The following HCN1 variants were observed in gnomAD, a reference collection of about 807,000 sequenced individuals.
The protein encoded by HCN1 is potassium/sodium hyperpolarization-activated cyclic nucleotide-gated channel 1.
HCN1 carries 13 observed loss-of-function variants against 78.9 expected under a neutral mutation model. The ratio of observed to expected loss-of-function variants is 0.16; its 90% CI spans 0.11 to 0.26. The LOEUF is 0.26. Ranked by LOEUF, HCN1 falls within the 10% of genes least tolerant of loss-of-function variation. The probability of loss-of-function intolerance (pLI) is 1.00; values close to 1 mark genes in which losing one functional copy is unlikely to be tolerated. For synonymous variants in HCN1, 552 were observed against 455.5 expected (o/e 1.21, Z -2.70); for missense variants, 810 against 1,154.3 (o/e 0.70, Z 4.32).
chr5:45,503,936 C>T (rs1168005821), intron 2 of HCN1, among the ~76,000 whole-genome samples: 1 of 151,926 alleles, frequency 6.6e-6, no homozygotes, highest in Non-Finnish European at 1.5e-5. Context: ...CATGTGTGCA[C>T]CACCACACCC....
intron 2 of HCN1, among the ~76,000 whole-genome samples, chr5:45,599,252 C>T (rs1382714902): frequency 2.0e-5 from 3 of 152,114 alleles, no homozygotes; most frequent in African/African-American, 7.2e-5. Context: ...AGTTGATGTC[C>T]TTTGCAGGGA....
intron 3 of HCN1, among the ~76,000 whole-genome samples, chr5:45,458,227 G>A (rs1374810841): frequency 6.6e-6 from 1 of 151,860 alleles, no homozygotes; most frequent in Non-Finnish European, 1.5e-5. Context: ...ATGGGTATAA[G>A]TGCAGATACA....
intron 2 of HCN1, among the ~76,000 whole-genome samples, chr5:45,612,887 G>A (rs1387709294): frequency 6.6e-6 from 1 of 152,102 alleles, no homozygotes; most frequent in Non-Finnish European, 1.5e-5. Flanking sequence ...GAAACAAAGG[G>A]AAACTAAATA....
At chr5:45,641,449 ACAAAAGAT>A (rs1745453512) in intron 2 of HCN1, among the ~76,000 whole-genome samples, 2 of 152,192 alleles carry the variant, frequency 1.3e-5, no homozygotes, top group South Asian at 4.1e-4. Flanking sequence ...TGCTATAGAT[ACAAAAGAT>A]CAAAACCACA....
intron 6 of HCN1, among the ~76,000 whole-genome samples, chr5:45,296,362 C>T (rs1745494150): frequency 1.3e-5 from 2 of 151,640 alleles, no homozygotes; most frequent in Non-Finnish European, 2.9e-5. Context: ...ATATTTATCA[C>T]ACTGAAAAAC....
At chr5:45,486,169 T>C (rs1341940739) in intron 2 of HCN1, among the ~76,000 whole-genome samples, 1 of 152,138 alleles carries the variant, frequency 6.6e-6, no homozygotes, top group Non-Finnish European at 1.5e-5. Flanking sequence ...ACATTCTTCT[T>C]GTTGAAAGCC....
At chr5:45,277,831 A>C (rs1263129697) in intron 6 of HCN1, among the ~76,000 whole-genome samples, 1 of 152,138 alleles carries the variant, frequency 6.6e-6, no homozygotes, top group Non-Finnish European at 1.5e-5. Flanking sequence ...TAATAGAATT[A>C]ATCATACCCA....
At chr5:45,624,556 C>A (rs1745126924) in intron 2 of HCN1, among the ~76,000 whole-genome samples, 1 of 151,900 alleles carries the variant, frequency 6.6e-6, no homozygotes, top group African/African-American at 2.4e-5. Flanking sequence ...GAAGCATTGC[C>A]CCTCAAGTGT....
At chr5:45,423,618 T>C (rs1306263909) in intron 3 of HCN1, among the ~76,000 whole-genome samples, 3 of 152,234 alleles carry the variant, frequency 2.0e-5, no homozygotes, top group Non-Finnish European at 4.4e-5. Context: ...TTCTTCTTCT[T>C]TGAAACTATT....
chr5:45,348,646 A>T (rs1022363313), intron 5 of HCN1, among the ~76,000 whole-genome samples: 43 of 152,160 alleles, frequency 2.8e-4, no homozygotes, highest in African/African-American at 1.0e-3. Context: ...GACACACATA[A>T]CATAGGCTCA....
At chr5:45,618,037 G>A (rs1039894655) in intron 2 of HCN1, among the ~76,000 whole-genome samples, 1 of 138,568 alleles carries the variant, frequency 7.2e-6, no homozygotes, top group African/African-American at 2.5e-5. Flanking sequence ...TATACTAGAA[G>A]AGGCAGAACA....
chr5:45,271,855 A>G (rs1744967954), intron 6 of HCN1, among the ~76,000 whole-genome samples: 1 of 152,138 alleles, frequency 6.6e-6, no homozygotes, highest in South Asian at 2.1e-4. Context: ...CAAAAGTTAT[A>G]TAAAGGACTT....
chr5:45,550,001 G>C (rs1398539749), intron 2 of HCN1, among the ~76,000 whole-genome samples: 1 of 152,072 alleles, frequency 6.6e-6, no homozygotes, highest in Admixed American at 6.6e-5. Context: ...GGAAACAACA[G>C]GTGCTGGAGA....
At chr5:45,564,765 A>C (rs541653417) in intron 2 of HCN1, among the ~76,000 whole-genome samples, 11 of 152,302 alleles carry the variant, frequency 7.2e-5, no homozygotes, top group African/African-American at 2.6e-4. Flanking sequence ...GAGATGATAA[A>C]AAGGAATAAT....
chr5:45,284,156 A>C (rs919027892), intron 6 of HCN1, among the ~76,000 whole-genome samples: 1 of 152,052 alleles, frequency 6.6e-6, no homozygotes, highest in African/African-American at 2.4e-5. Context: ...AGGGTAGGAG[A>C]GAGGAACAGA....
chr5:45,658,804 C>T (rs142850029), intron 1 of HCN1, among the ~76,000 whole-genome samples: 38 of 151,856 alleles, frequency 2.5e-4, no homozygotes, highest in Non-Finnish European at 4.6e-4. Context: ...GAGGGTCCTA[C>T]GCCCACGGAA....
intron 3 of HCN1, among the ~76,000 whole-genome samples, chr5:45,455,217 G>A (rs1285462509): frequency 6.6e-6 from 1 of 151,854 alleles, no homozygotes; most frequent in Non-Finnish European, 1.5e-5. Context: ...ACACAGTTTG[G>A]AAAACAGAAA....
chr5:45,425,760 T>G (rs1016856583), intron 3 of HCN1, among the ~76,000 whole-genome samples: 29 of 152,172 alleles, frequency 1.9e-4, no homozygotes, highest in African/African-American at 7.0e-4. Flanking sequence ...TATTGTGATT[T>G]TATTCATTGA....
chr5:45,304,282 C>T (rs1679623326), intron 5 of HCN1, among the ~76,000 whole-genome samples: 1 of 145,368 alleles, frequency 6.9e-6, no homozygotes. Context: ...AGCTACCAGA[C>T]AAAAACATTT....
Sources: gnomAD v4.1 joint callset for allele counts (sites outside exome capture counted in the v4.1 genomes callset) on GRCh38, gnomAD v4.1.1 for gene constraint, MANE v1.5 for transcripts, NCBI Gene and HGNC (gene_info 2026-07-23, HGNC 2026-07-21) for gene names.